Variants in LRP1 observed in about 807,000 individuals in gnomAD.
The protein encoded by LRP1 is LDL receptor related protein 1.
Under a neutral mutation model 541.5 loss-of-function variants are expected in LRP1, and 51 were observed. That is an observed-to-expected ratio of 0.09 (90% CI 0.08 to 0.12). The LOEUF (loss-of-function observed/expected upper bound fraction) is 0.12, where lower values mean the gene tolerates loss of function less well. Among genes scored for constraint, LRP1 ranks in the 10% least tolerant of loss-of-function variants. The pLI is 1.00. For missense variants in LRP1, 3,878 were observed against 6,376.2 expected (o/e 0.61, Z 13.34); for synonymous variants, 2,219 against 2,470.8 (o/e 0.90, Z 3.02).
intron 2 of LRP1, among the ~76,000 whole-genome samples, chr12:57,140,687 G>A (rs1466535): frequency 0.3 from 45,980 of 152,014 alleles, 7,445 homozygotes; most frequent in Admixed American, 0.41. Flanking sequence ...TATCATTGGA[G>A]TTTCTCTGCC....
intron 10 of LRP1, among the ~76,000 whole-genome samples, chr12:57,157,501 T>C (rs529905358): frequency 3.2e-4 from 48 of 152,100 alleles, no homozygotes; most frequent in African/African-American, 1.1e-3. Flanking sequence ...ATCCCAGCTA[T>C]TGGGGAGGCT....
rs1029093144 is a variant in LRP1, at chr12:57,156,528, A to G, written c.1417+245A>G. 2.0e-5 allele frequency among the ~76,000 whole-genome samples: 3 copies of G among 152,130 alleles called. No individual in the cohort carries two copies. Among genetic ancestry groups the G allele is most frequent in the African/African-American group, 7.2e-5 (3 of 41,426 alleles). ...CCTCCCATTCCCCTTGCCAGTCTGG[A>G]GCAGTAGCACCTGGCCATGGGCAAC... On this transcript the variant is annotated intron_variant, in intron 9 of 88. Transcript: ENST00000243077. The surrounding 1 kb of genome is among the most constrained non-coding windows in gnomAD (Gnocchi z 5.2).
chr12:57,207,327 T>A (rs1392134244), intron 76 of LRP1, among the ~76,000 whole-genome samples: 90 of 144,436 alleles, frequency 6.2e-4, no homozygotes, highest in African/African-American at 2.2e-3. Context: ...ATAAATAAAA[T>A]AAAATAAAAT....
At chr12:57,145,575 G>A in intron 6 of LRP1, 85 bp downstream of exon 6, 1 of 1,518,538 alleles carries the variant, frequency 6.6e-7, no homozygotes, top group Non-Finnish European at 8.9e-7. Flanking sequence ...GAGGCCGGGA[G>A]TTACACAGGA....
Position 57,162,553 on chromosome 12 carries a change from G to C in LRP1, c.2404+35G>C. ...TGGGGCTGGGGGCAGCGTGGGACCTGGAAGGGGTGGTGGGACTTAGGCATT... is the reference window on the plus strand; with the variant it reads ...TGGGGCTGGGGGCAGCGTGGGACCTCGAAGGGGTGGTGGGACTTAGGCATT... On this transcript the variant is annotated intron_variant, in intron 14 of 88. Transcript: ENST00000243077. This position sits in a 1 kb window ranked among gnomAD's most constrained non-coding sequence, Gnocchi z 5.2. 6.2e-7 allele frequency: 1 copy of C among 1,609,822 alleles called. No individual in the cohort carries two copies. The highest frequency in any genetic ancestry group is 1.1e-5 in the South Asian group (1 of 90,924).
In LRP1 at chr12:57,212,703, G is replaced by A. The variant is rs559445445; in HGVS notation, c.*148G>A. On this transcript the variant is annotated 3_prime_UTR_variant, in exon 89 of 89. Coordinates refer to ENST00000243077, the MANE Select transcript of LRP1 (RefSeq NM_002332.3). This position sits in a 1 kb window ranked among gnomAD's most constrained non-coding sequence, Gnocchi z 5.0. ...GGAATTACATTTTATATGTGAGCGA[G>A]CAAGCCGGCAAGCGAGCACAGTATT... 4.8e-6 allele frequency: 4 copies of A among 834,518 alleles called. No homozygotes were observed. Among genetic ancestry groups the A allele is most frequent in the Admixed American group, 6.2e-5 (2 of 32,470 alleles). 51.7% of individuals were successfully genotyped at this position (834,518 alleles called of 1,614,324 possible). A position where few individuals can be genotyped will look rare whatever the true frequency, so the allele number is the denominator to read the frequency against.
Position 57,204,600 on chromosome 12 carries a change from G to A in LRP1, c.11072-27G>A, listed in dbSNP as rs1361376377. 1 of 1,612,962 alleles carries A rather than the reference G, an allele frequency of 6.2e-7. No homozygotes were observed. On this transcript the variant is annotated intron_variant, in intron 71 of 88. Coordinates refer to ENST00000243077, the MANE Select transcript of LRP1 (RefSeq NM_002332.3). This position sits in a 1 kb window ranked among gnomAD's most constrained non-coding sequence, Gnocchi z 5.3. ...CACCCCCACTCCCAAGACTAATTCT[G>A]GCTCTGTGTCCCCCTGGCTGCTGCA...
chr12:57,199,795 C>T, intron 61 of LRP1, 82 bp from the exon 62 acceptor site: 1 of 1,478,880 alleles, frequency 6.8e-7, no homozygotes, highest in Non-Finnish European at 9.1e-7. Context: ...GACCCACCCG[C>T]CTCTGTCCAG....
At chr12:57,170,460 C>G (rs974472377) in intron 20 of LRP1, among the ~76,000 whole-genome samples, 2 of 151,330 alleles carry the variant, frequency 1.3e-5, no homozygotes, top group African/African-American at 2.4e-5. Flanking sequence ...GGGAGGATCA[C>G]TTGAGGCCAG....
Position 57,199,348 on chromosome 12 carries a change from G to T in LRP1, c.9813G>T (p.Thr3271=). Residue 3271 remains threonine, a synonymous_variant, in exon 61 of 89, where the codon ACG becomes ACT. Coordinates refer to ENST00000243077, the MANE Select transcript of LRP1 (RefSeq NM_002332.3). ...TGTNKTLLIS[T]LHRPMDLHVF... ...CCAACAAAACGCTCCTCATCAGCAC[G>T]CTGCACCGGCCCATGGACCTGCATG... 1.2e-6 allele frequency: 2 copies of T among 1,613,038 alleles called. No individual in the cohort carries two copies. The highest frequency in any genetic ancestry group is 1.1e-5 in the South Asian group (1 of 91,056).
rs199769118 is a variant in LRP1 at position 57,177,597 on chromosome 12, C to T, written c.4361+6C>T. 6.8e-5 allele frequency: 109 copies of T among 1,613,474 alleles called. 1 individual carries two copies. The East Asian group carries it at 1.9e-3, about 29-fold the overall frequency. ...ATCCTTTGGATTGACGCCAGGTCAG[C>T]ACCCTCTGTGCCCTGAGAAGGCCCA... On this transcript the variant is annotated splice_donor_region_variant and intron_variant, in intron 26 of 88. Coordinates refer to ENST00000243077, the MANE Select transcript of LRP1 (RefSeq NM_002332.3). This position sits in a 1 kb window ranked among gnomAD's most constrained non-coding sequence, Gnocchi z 6.8.
rs1424674992 is a variant in LRP1, at chr12:57,209,176, T to C, written c.12239T>C (p.Ile4080Thr). 1.2e-5 allele frequency: 20 copies of C among 1,613,926 alleles called. No homozygotes were observed. The highest frequency in any genetic ancestry group is 6.7e-5 in the Admixed American group (4 of 60,014). The change falls in exon 79 of 89, where the codon ATT (isoleucine) becomes ACT (threonine). Residue 4080 changes from isoleucine (I) to threonine (T), a missense_variant. By Grantham distance (89) the Ile-to-Thr change is moderately conservative. Around this residue, in one of 13 missense-constraint regions of LRP1, gnomAD observed 871 missense variants for 1,212.4 expected, o/e 0.72. Coordinates refer to ENST00000243077, the MANE Select transcript of LRP1 (RefSeq NM_002332.3). ...ATCCGGCTCAATGGCACGGACCCCA[T>C]TGTGGCTGCTGACAGCAAACGAGGT... ...GSIRLNGTDP[I>T]VAADSKRGLS...
rs751960558 is a variant in LRP1 at position 57,185,568 on chromosome 12, G to A, written c.6501G>A (p.Gln2167=). ...NVCAVANGGC[Q]QLCLYRGRGQ... is the part of the protein sequence containing the mutation. ...GCGCGGTGGCCAATGGCGGGTGCCAGCAGCTGTGCCTGTACCGGGGCCGTG... is the reference window on the plus strand; with the variant it reads ...GCGCGGTGGCCAATGGCGGGTGCCAACAGCTGTGCCTGTACCGGGGCCGTG... The change falls in exon 41 of 89, where the codon CAG becomes CAA. Residue 2167 remains glutamine, a synonymous_variant. Transcript: ENST00000243077. This position sits in a 1 kb window ranked among gnomAD's most constrained non-coding sequence, Gnocchi z 4.9. 6.3e-7 allele frequency: 1 copy of A among 1,592,220 alleles called. No individual in the cohort carries two copies.
rs770591705 is a variant in LRP1 at position 57,210,183 on chromosome 12, C to T, written c.12580+14C>T. 15 of 1,580,048 alleles carry T rather than the reference C, an allele frequency of 9.5e-6. No homozygotes were observed. The highest frequency in any genetic ancestry group is 1.2e-5 in the Non-Finnish European group (14 of 1,162,058). ...CCCCCCCAGATGGTATGCTTATGCC[C>T]TCCCAGTCCCAGCCATGCCTCAGGA... On this transcript the variant is annotated intron_variant, in intron 81 of 88. Transcript: ENST00000243077.
rs752798422 is a variant in LRP1 at position 57,178,640 on chromosome 12, C to T, written c.4606+37C>T. 1.2e-6 allele frequency: 2 copies of T among 1,612,478 alleles called. No individual in the cohort carries two copies. The highest frequency in any genetic ancestry group is 1.7e-5 in the Admixed American group (1 of 59,952). On this transcript the variant is annotated intron_variant, in intron 27 of 88. Coordinates refer to ENST00000243077, the MANE Select transcript of LRP1 (RefSeq NM_002332.3). This position sits in a 1 kb window ranked among gnomAD's most constrained non-coding sequence, Gnocchi z 5.8. ...GGGGCCTCGAGCAGCCGGAAGGGAGCCAGCAGCCTCTTTAGAAGCTGTAGA... is the reference window on the plus strand; with the variant it reads ...GGGGCCTCGAGCAGCCGGAAGGGAGTCAGCAGCCTCTTTAGAAGCTGTAGA...
chr12:57,206,948 A>G lies in LRP1; in HGVS notation c.11859+207A>G, dbSNP rs2036792783. Among the ~76,000 whole-genome samples, 1 of 152,232 alleles carries G rather than the reference A, an allele frequency of 6.6e-6. No individual in the cohort carries two copies. The highest frequency in any genetic ancestry group is 1.5e-5 in the Non-Finnish European group (1 of 68,040). Reference sequence around the variant, plus strand: ...TGGTGAAACCCTGTCTCTACTAAAAATACAAAAATTTGGCTGAGCGCGGTG... The same window carrying G: ...TGGTGAAACCCTGTCTCTACTAAAAGTACAAAAATTTGGCTGAGCGCGGTG... On this transcript the variant is annotated intron_variant, in intron 76 of 88. Transcript: ENST00000243077. The surrounding 1 kb of genome is among the most constrained non-coding windows in gnomAD (Gnocchi z 4.7).
chr12:57,136,234 G>A (rs1447501461), intron 1 of LRP1, among the ~76,000 whole-genome samples: 1 of 152,222 alleles, frequency 6.6e-6, no homozygotes, highest in Non-Finnish European at 1.5e-5. Context: ...GGGGCCAGGG[G>A]AGGGAGGCTG....
rs1319879757 is a variant in LRP1, at chr12:57,212,482, T to C, written c.13562T>C (p.Leu4521Pro). Residue 4521 changes from leucine (L) to proline (P), a missense_variant, in exon 89 of 89, where the codon CTG (leucine) becomes CCG (proline). Coordinates refer to ENST00000243077, the MANE Select transcript of LRP1 (RefSeq NM_002332.3). The surrounding 1 kb of genome is among the most constrained non-coding windows in gnomAD (Gnocchi z 5.0). ...GGGGGCCATGGCAGTCGCCACTCCC[T>C]GGCCAGCACGGACGAGAAGCGAGAA... ...YMGGHGSRHS[L>P]ASTDEKRELL... 1 of 1,614,034 alleles carries C rather than the reference T, an allele frequency of 6.2e-7. No individual in the cohort carries two copies. The highest frequency in any genetic ancestry group is 8.5e-7 in the Non-Finnish European group (1 of 1,179,990).
intron 61 of LRP1, 47 bp downstream of exon 61, chr12:57,199,447 G>A (rs763689873): frequency 1.7e-5 from 27 of 1,572,740 alleles, no homozygotes; most frequent in Non-Finnish European, 1.9e-5. Flanking sequence ...GCCAGGCACC[G>A]GGGTCCCTGG....
Sources: allele counts gnomAD v4.1 joint callset (sites outside exome capture counted in the v4.1 genomes callset), GRCh38; gene constraint gnomAD v4.1.1; regional missense constraint gnomAD v4.1.1; non-coding constraint Gnocchi (gnomAD v3.1); transcripts MANE v1.5; gene names NCBI Gene and HGNC (gene_info 2026-07-23, HGNC 2026-07-21).